Variants in ANKRD30BL observed in about 807,000 individuals in gnomAD.
The protein encoded by ANKRD30BL is ankyrin repeat domain 30B like.
Under a neutral mutation model 18.4 loss-of-function variants are expected in ANKRD30BL, and 20 were observed. The ratio of observed to expected loss-of-function variants is 1.09; its 90% confidence interval spans 0.77 to 1.58. The LOEUF (loss-of-function observed/expected upper bound fraction) is 1.58. ANKRD30BL is among the 40% of genes most tolerant of loss of function. ANKRD30BL has a pLI of 0.00. For synonymous variants in ANKRD30BL, 72 were observed against 100.9 expected, an observed-to-expected ratio of 0.71 and a Z score of 1.72; for missense variants, 224 against 268.6, an observed-to-expected ratio of 0.83 and a Z score of 1.16.
upstream of ANKRD30BL, among the ~76,000 whole-genome samples, chr2:132,166,904 T>G (rs1408809672): frequency 6.6e-6 from 1 of 152,048 alleles, no homozygotes; most frequent in Non-Finnish European, 1.5e-5. Flanking sequence ...TTTATCTCTT[T>G]TTTCATAATA....
chr2:132,190,762 G>T (rs1678828942), intron 1 of ANKRD30BL, among the ~76,000 whole-genome samples: 1 of 152,134 alleles, frequency 6.6e-6, no homozygotes, highest in Middle Eastern at 3.2e-3. Flanking sequence ...GATCTTTTAT[G>T]CAGCGAATTA....
At chr2:132,152,440 T>C (rs1687785353) in intron 4 of ANKRD30BL, 1 of 152,206 alleles carries the variant, frequency 6.6e-6, no homozygotes, top group South Asian at 2.1e-4. Flanking sequence ...TTTAGTGAAG[T>C]CTATTGAATG....
chr2:132,202,397 A>G (rs1016599226), intron 1 of ANKRD30BL, among the ~76,000 whole-genome samples: 8 of 147,296 alleles, frequency 5.4e-5, no homozygotes, highest in Non-Finnish European at 1.0e-4. Context: ...AAGTAAAATA[A>G]AAATTTGTGA....
chr2:132,173,051 A>AC lies in ANKRD30BL; in HGVS notation n.442-15906_442-15905insG, dbSNP rs1558919353. On this transcript the variant is annotated intron_variant and non_coding_transcript_variant, in intron 1 of 4. Coordinates refer to the ANKRD30BL transcript ENST00000470729. ...AGAACTTTTACTTTTGATGAAACTAATTTTTTTATTTTTTCATTCCCTGTA... is the reference window on the plus strand; with the variant it reads ...AGAACTTTTACTTTTGATGAAACTAACTTTTTTTATTTTTTCATTCCCTGTA... Among the ~76,000 whole-genome samples, 20 of 634 alleles carry AC rather than the reference A, an allele frequency of 0.032. No individual in the cohort carries two copies. The South Asian group carries it at 0.47, about 15-fold the overall frequency. 0.4% of individuals were successfully genotyped at this position (634 alleles called of 152,430 possible). A position where few individuals can be genotyped will look rare whatever the true frequency, so the allele number is the denominator to read the frequency against.
intron 1 of ANKRD30BL, among the ~76,000 whole-genome samples, chr2:132,255,039 TCGGAACCCAAAAA>T (rs1680786353): frequency 6.6e-6 from 1 of 152,014 alleles, no homozygotes; most frequent in Admixed American, 6.5e-5. Context: ...CATACTCCCC[TCGGAACCCAAAAA>T]CCCAAAGACT....
chr2:132,175,666 T>C (rs773834908), intron 1 of ANKRD30BL, among the ~76,000 whole-genome samples: 2 of 152,228 alleles, frequency 1.3e-5, no homozygotes, highest in Non-Finnish European at 2.9e-5. Flanking sequence ...CTATCACATG[T>C]GGAGAATCCT....
At chr2:132,160,755 A>G (rs1379563796) in intron 1 of ANKRD30BL, among the ~76,000 whole-genome samples, 2 of 152,066 alleles carry the variant, frequency 1.3e-5, no homozygotes. Flanking sequence ...AATTAATAGC[A>G]CATTTTGAAA....
intron 1 of ANKRD30BL, among the ~76,000 whole-genome samples, chr2:132,221,353 A>C (rs1386208020): frequency 0.021 from 1,865 of 89,784 alleles, no homozygotes; most frequent in Middle Eastern, 0.043. Flanking sequence ...CCAGCCGCCC[A>C]GTCCGGGAGG....
At chr2:132,252,013 A>C (rs1412672197) in intron 1 of ANKRD30BL, among the ~76,000 whole-genome samples, 1 of 152,270 alleles carries the variant, frequency 6.6e-6, no homozygotes, top group Non-Finnish European at 1.5e-5. Context: ...AACCAAACAC[A>C]AAATGACCTT....
chr2:132,244,726 A>G (rs1337033784), intron 1 of ANKRD30BL, among the ~76,000 whole-genome samples: 1 of 152,236 alleles, frequency 6.6e-6, no homozygotes. Flanking sequence ...ATATTTGGAT[A>G]GCTTTGAGGA....
At chr2:132,253,674 C>A (rs76125924) in intron 1 of ANKRD30BL, among the ~76,000 whole-genome samples, 3 of 151,966 alleles carry the variant, frequency 2.0e-5, no homozygotes, top group Non-Finnish European at 2.9e-5. Context: ...GAGGGAGGGG[C>A]GGGCCCCTCC....
At chr2:132,163,035 A>C (rs1403838454), upstream of ANKRD30BL, among the ~76,000 whole-genome samples, 1 of 152,192 alleles carries the variant, frequency 6.6e-6, no homozygotes, top group Non-Finnish European at 1.5e-5. Context: ...GGAGTATGGC[A>C]GTGGCGCTGG....
intron 1 of ANKRD30BL, among the ~76,000 whole-genome samples, chr2:132,210,126 A>G (rs1679305656): frequency 6.6e-6 from 1 of 152,086 alleles, no homozygotes; most frequent in Admixed American, 6.6e-5. Flanking sequence ...GGAGTTTGGA[A>G]AATCTCTTTT....
Position 132,175,443 on chromosome 2 carries a change from G to A in ANKRD30BL, n.442-18297C>T, listed in dbSNP as rs912812721. Among the ~76,000 whole-genome samples, 9 of 152,308 alleles carry A rather than the reference G, an allele frequency of 5.9e-5. No homozygotes were observed. The South Asian group carries it at 6.2e-4, about 11-fold the overall frequency. ...CATGTCTTGCCTCCTGCCATAAGGT[G>A]GTTTTTCTCCTATCTCAGAATTGAA... On this transcript the variant is annotated intron_variant and non_coding_transcript_variant, in intron 1 of 4. Coordinates refer to the ANKRD30BL transcript ENST00000470729.
At chr2:132,233,806 G>C (rs1294302519) in intron 1 of ANKRD30BL, among the ~76,000 whole-genome samples, 1 of 150,258 alleles carries the variant, frequency 6.7e-6, no homozygotes, top group Non-Finnish European at 1.5e-5. Context: ...GGATACCCAG[G>C]AATTGAACTC....
intron 1 of ANKRD30BL, among the ~76,000 whole-genome samples, chr2:132,194,326 T>C (rs1678922173): frequency 6.6e-6 from 1 of 152,152 alleles, no homozygotes; most frequent in African/African-American, 2.4e-5. Context: ...GTGGGGGTAA[T>C]GGATTTTAAT....
At chr2:132,164,282 T>C (rs1377420907), upstream of ANKRD30BL, among the ~76,000 whole-genome samples, 1 of 146,882 alleles carries the variant, frequency 6.8e-6, no homozygotes, top group Middle Eastern at 3.5e-3. Flanking sequence ...TTTTTTTTTT[T>C]TTTTTTTTTT....
intron 1 of ANKRD30BL, among the ~76,000 whole-genome samples, chr2:132,169,444 C>A (rs796274784): frequency 1.5e-5 from 2 of 133,732 alleles, no homozygotes; most frequent in Non-Finnish European, 3.2e-5. Flanking sequence ...GTCAAGAGAT[C>A]GAGACCATCA....
chr2:132,171,154 C>CAAACA lies in ANKRD30BL; in HGVS notation n.442-14009_442-14008insTGTTT, dbSNP rs1553470678. Among the ~76,000 whole-genome samples, 3 of 120,678 alleles carry CAAACA rather than the reference C, an allele frequency of 2.5e-5. No homozygotes were observed. In the East Asian group the frequency reaches 8.0e-4, roughly 32 times the overall value. The allele number at this position is 120,678 out of a possible 152,430, so 79.2% of individuals were successfully genotyped here. A position where few individuals can be genotyped will look rare whatever the true frequency, so the allele number is the denominator to read the frequency against. On this transcript the variant is annotated intron_variant and non_coding_transcript_variant, in intron 1 of 4. Coordinates refer to the ANKRD30BL transcript ENST00000470729. ...TGGGAGACAGAGCCAGACTCTGTCT[C>CAAACA]AAAAAAAAAAAAAAGAATAACACTT...
Sources: gnomAD v4.1 joint callset for allele counts (sites outside exome capture counted in the v4.1 genomes callset) on GRCh38, gnomAD v4.1.1 for gene constraint, MANE v1.5 for transcripts, NCBI Gene and HGNC (gene_info 2026-07-23, HGNC 2026-07-21) for gene names.